The following BAZ2B variants were observed in gnomAD, a reference collection of about 807,000 sequenced individuals.
The protein encoded by BAZ2B is bromodomain adjacent to zinc finger domain protein 2B.
A neutral mutation model predicts 246.0 loss-of-function variants in BAZ2B; 91 were observed. The observed-to-expected ratio is 0.37, with a 90% CI of 0.31 to 0.44. The LOEUF is 0.44. Among genes scored for constraint, BAZ2B ranks in the 20% least tolerant of loss-of-function variants. The pLI is 1.00. For synonymous variants in BAZ2B, 855 were observed against 860.0 expected (o/e 0.99, Z 0.10); for missense variants, 2,332 against 2,533.7 (o/e 0.92, Z 1.71).
chr2:159,377,915 G>A (rs1214742542), intron 25 of BAZ2B, among the ~76,000 whole-genome samples: 1 of 151,354 alleles, frequency 6.6e-6, no homozygotes, highest in East Asian at 1.9e-4. Context: ...AGAATAAAAT[G>A]TATGGTTTGT....
chr2:159,389,125 C>CCAACCAACCAACCAAA (rs1426855041), intron 21 of BAZ2B, among the ~76,000 whole-genome samples: 1 of 149,192 alleles, frequency 6.7e-6, no homozygotes. Context: ...AACCAACCAA[C>CCAACCAACCAACCAAA]CAAACAAACA....
intron 18 of BAZ2B, 89 bp downstream of exon 18, chr2:159,398,740 G>T: frequency 1.7e-6 from 2 of 1,201,958 alleles, no homozygotes. Flanking sequence ...TCATTTTGAA[G>T]AAAGCTATTT....
At chr2:159,534,695 C>A (rs986024569) in intron 2 of BAZ2B, among the ~76,000 whole-genome samples, 1 of 151,944 alleles carries the variant, frequency 6.6e-6, no homozygotes, top group Non-Finnish European at 1.5e-5. Flanking sequence ...TGGCGCCCAC[C>A]TCTCAGGTTC....
At chr2:159,577,348 G>C (rs1237130791) in intron 1 of BAZ2B, among the ~76,000 whole-genome samples, 1 of 152,222 alleles carries the variant, frequency 6.6e-6, no homozygotes, top group Non-Finnish European at 1.5e-5. Flanking sequence ...TTACAGGGAA[G>C]AGCATTTACC....
chr2:159,384,786 G>C (rs2062429693), intron 23 of BAZ2B, among the ~76,000 whole-genome samples: 2 of 152,024 alleles, frequency 1.3e-5, no homozygotes, highest in African/African-American at 4.8e-5. Context: ...GTAGTCATCT[G>C]TCCTTAAAAG....
At chr2:159,557,152 T>G (rs576118638) in intron 1 of BAZ2B, among the ~76,000 whole-genome samples, 156 of 149,410 alleles carry the variant, frequency 1.0e-3, no homozygotes, top group Non-Finnish European at 1.9e-3. Flanking sequence ...TTTTTTTTTT[T>G]TTTTCCCTGC....
At chr2:159,491,555 C>A (rs370469168) in intron 2 of BAZ2B, among the ~76,000 whole-genome samples, 138 of 149,536 alleles carry the variant, frequency 9.2e-4, no homozygotes, top group African/African-American at 3.1e-3. Context: ...CCCGTCTCTA[C>A]TAAAAATACA....
chr2:159,678,639 A>C, the BAZ2B span, among the ~76,000 whole-genome samples: 10 of 152,204 alleles, frequency 6.6e-5, no homozygotes, highest in South Asian at 2.1e-4. Flanking sequence ...TGTCAAAAAA[A>C]TAAACTTACT....
At chr2:159,656,244 T>A in the BAZ2B span, among the ~76,000 whole-genome samples, 1 of 152,138 alleles carries the variant, frequency 6.6e-6, no homozygotes, top group East Asian at 1.9e-4. Context: ...TACAGAGAGT[T>A]CCCATATAAA....
At chr2:159,581,122 G>C (rs1331125055) in intron 1 of BAZ2B, among the ~76,000 whole-genome samples, 1 of 152,044 alleles carries the variant, frequency 6.6e-6, no homozygotes, top group Non-Finnish European at 1.5e-5. Context: ...CCATCAGAGT[G>C]AACAGGCAAC....
the BAZ2B span, among the ~76,000 whole-genome samples, chr2:159,679,897 C>T: frequency 1.3e-5 from 2 of 152,328 alleles, no homozygotes; most frequent in African/African-American, 4.8e-5. Flanking sequence ...GATGCAGCCT[C>T]AATGCTCAAT....
intron 30 of BAZ2B, 21 bp from the exon 31 acceptor site, chr2:159,347,667 A>G (rs1273064123): frequency 6.4e-7 from 1 of 1,563,682 alleles, no homozygotes; most frequent in African/African-American, 1.4e-5. Flanking sequence ...AAAGAAATTA[A>G]TTTAAAAATC....
intron 34 of BAZ2B, 126 bp from the exon 35 acceptor site, chr2:159,326,044 A>T: frequency 7.6e-6 from 6 of 792,266 alleles, no homozygotes; most frequent in Non-Finnish European, 1.1e-5. Flanking sequence ...GAATGTTGAT[A>T]ACTATTATTC....
chr2:159,446,755 A>T, intron 6 of BAZ2B, 27 bp downstream of exon 6: 1 of 1,573,200 alleles, frequency 6.4e-7, no homozygotes, highest in African/African-American at 1.4e-5. Flanking sequence ...GATCTGTTAT[A>T]TATTAGTCCT....
intron 13 of BAZ2B, among the ~76,000 whole-genome samples, chr2:159,424,161 T>C (rs1484316129): frequency 1.3e-5 from 2 of 152,166 alleles, no homozygotes; most frequent in Non-Finnish European, 2.9e-5. Flanking sequence ...GCTTTTTTTC[T>C]TTAAAAATAA....
At chr2:159,457,781 C>T (rs1212812135) in intron 3 of BAZ2B, among the ~76,000 whole-genome samples, 1 of 152,216 alleles carries the variant, frequency 6.6e-6, no homozygotes, top group East Asian at 1.9e-4. Context: ...GTCTCTTTCC[C>T]TCTCAATACA....
intron 14 of BAZ2B, among the ~76,000 whole-genome samples, chr2:159,410,951 G>A (rs187553953): frequency 4.7e-4 from 72 of 152,266 alleles, no homozygotes; most frequent in Non-Finnish European, 1.3e-4. Flanking sequence ...TATGTGAGTG[G>A]TTGCATGTGT....
intron 16 of BAZ2B, among the ~76,000 whole-genome samples, chr2:159,404,121 T>C (rs1319251787): frequency 1.3e-5 from 2 of 152,186 alleles, no homozygotes; most frequent in African/African-American, 4.8e-5. Context: ...TGCTTCCTAA[T>C]ATTTTTAAAA....
At chr2:159,367,416 AT>A (rs1471080682) in intron 27 of BAZ2B, among the ~76,000 whole-genome samples, 26 of 152,294 alleles carry the variant, frequency 1.7e-4, no homozygotes, top group Admixed American at 4.6e-4. Context: ...TACAACACGA[AT>A]TTAATTTAAT....
Sources: gnomAD v4.1 joint callset for allele counts (sites outside exome capture counted in the v4.1 genomes callset) on GRCh38, gnomAD v4.1.1 for gene constraint, MANE v1.5 for transcripts, NCBI Gene and HGNC (gene_info 2026-07-23, HGNC 2026-07-21) for gene names.